The following FMO2 variants were observed in gnomAD, a reference collection of about 807,000 sequenced individuals.
FMO2 encodes the protein flavin containing dimethylaniline monoxygenase 2, also known as flavin-containing monooxygenase 2.
FMO2 carries 33 observed loss-of-function variants against 41.6 expected under a neutral mutation model. The observed-to-expected ratio is 0.79, with a 90% confidence interval of 0.60 to 1.06. FMO2 has a LOEUF of 1.06. FMO2 is among the 50% of genes least tolerant of loss of function. The probability of loss-of-function intolerance (pLI) is 0.00; values close to 1 mark genes in which losing one functional copy is unlikely to be tolerated. For synonymous variants in FMO2, 214 were observed against 219.6 expected, an observed-to-expected ratio of 0.97 and a Z score of 0.23; for missense variants, 619 against 632.9, an observed-to-expected ratio of 0.98 and a Z score of 0.23.
intron 3 of FMO2, among the ~76,000 whole-genome samples, chr1:171,195,043 G>T (rs28369856): frequency 0.01 from 1,593 of 152,146 alleles, 20 homozygotes; most frequent in African/African-American, 0.036. Flanking sequence ...CAAATATCTC[G>T]CCTTTTTATG....
In FMO2 at chr1:171,185,829, G is replaced by A. The variant is rs1657821683; in HGVS notation, c.116G>A (p.Gly39Glu). 1.2e-6 allele frequency: 2 copies of A among 1,613,862 alleles called. No homozygotes were observed. The highest frequency in any genetic ancestry group is 1.7e-6 in the Non-Finnish European group (2 of 1,179,804). ...TTTGAGAGAACTGAAGATATTGGAG[G>A]AGTGTGGAGGTTCAAAGTAAGTGAG... The part of the protein sequence containing the change: ...TCFERTEDIG[G>E]VWRFKENVED... Residue 39 changes from glycine (G) to glutamate (E), a missense_variant, in exon 2 of 9, where the codon GGA becomes GAA. Coordinates refer to ENST00000209929, the MANE Select transcript of FMO2 (RefSeq NM_001460.5).
chr1:171,199,285 T>G, intron 4 of FMO2, 61 bp from the exon 5 acceptor site: 1 of 1,451,332 alleles, frequency 6.9e-7, no homozygotes, highest in Non-Finnish European at 9.2e-7. Context: ...GCAGTTTTAT[T>G]GAAATTAGCT....
intron 7 of FMO2, 50 bp downstream of exon 7, chr1:171,205,684 T>A: frequency 8.0e-7 from 1 of 1,248,490 alleles, no homozygotes; most frequent in Non-Finnish European, 1.1e-6. Context: ...CTGGTGAAGT[T>A]TATCAATAAT....
chr1:171,203,810 T>A, intron 5 of FMO2, 55 bp from the exon 6 acceptor site: 1 of 1,471,960 alleles, frequency 6.8e-7, no homozygotes, highest in Non-Finnish European at 9.5e-7. Flanking sequence ...CATAGTAGAT[T>A]CCTCCTAAAC....
At chr1:171,196,592 T>G (rs1658318694) in intron 3 of FMO2, 57 bp from the exon 4 acceptor site, 2 of 1,531,200 alleles carry the variant, frequency 1.3e-6, no homozygotes, top group Admixed American at 3.4e-5. Context: ...AAAGACACAC[T>G]TGGCCAATGT....
chr1:171,194,946 A>G (rs1263104772), intron 3 of FMO2, among the ~76,000 whole-genome samples: 4 of 152,328 alleles, frequency 2.6e-5, no homozygotes, highest in Non-Finnish European at 1.5e-5. Context: ...TTTTTCACCA[A>G]TTCCTGGTAG....
intron 4 of FMO2, among the ~76,000 whole-genome samples, chr1:171,199,048 A>G (rs1010103470): frequency 1.3e-5 from 2 of 152,028 alleles, no homozygotes; most frequent in East Asian, 3.9e-4. Flanking sequence ...GACCACAGGC[A>G]TGCACAACCA....
At chr1:171,194,248 T>C (rs767628376) in intron 3 of FMO2, among the ~76,000 whole-genome samples, 2 of 152,238 alleles carry the variant, frequency 1.3e-5, no homozygotes, top group Non-Finnish European at 2.9e-5. Flanking sequence ...CTGTTCATAC[T>C]AGAAGGCTGT....
intron 4 of FMO2, among the ~76,000 whole-genome samples, chr1:171,198,927 C>T (rs1658412050): frequency 6.6e-6 from 1 of 150,896 alleles, no homozygotes; most frequent in Admixed American, 6.6e-5. Flanking sequence ...GGTGTTGTGA[C>T]AGTCTCACTC....
chr1:171,208,855 G>T lies in FMO2; in HGVS notation c.1318G>T (p.Ala440Ser). The change falls in exon 9 of 9, where the codon GCC (alanine) becomes TCC (serine). Residue 440 changes from alanine to serine, a missense_variant. Ala to Ser is a moderately conservative substitution (Grantham distance 99). Coordinates refer to ENST00000209929, the MANE Select transcript of FMO2 (RefSeq NM_001460.5). ...TNYVDYLDEL[A>S]LEIGAKPDFC... is the part of the protein sequence containing the mutation. ...TTATGTTGACTACTTGGACGAGCTC[G>T]CCTTAGAGATAGGTGCGAAGCCAGA... is the stretch of plus-strand genomic sequence containing the variant. 1.2e-6 allele frequency: 2 copies of T among 1,613,976 alleles called. No individual in the cohort carries two copies. The highest frequency in any genetic ancestry group is 1.7e-6 in the Non-Finnish European group (2 of 1,179,882).
chr1:171,208,130 G>A (rs1029003570), intron 8 of FMO2, among the ~76,000 whole-genome samples: 1 of 152,122 alleles, frequency 6.6e-6, no homozygotes, highest in Non-Finnish European at 1.5e-5. Context: ...GTTAGAGAGG[G>A]AATAGGATGA....
At position 171,210,396 on chromosome 1, in the gene FMO2, A is replaced by G. The variant is rs1292356020; in HGVS notation, c.*1251A>G. On this transcript the variant is annotated 3_prime_UTR_variant, in exon 9 of 9. Coordinates refer to ENST00000209929, the MANE Select transcript of FMO2 (RefSeq NM_001460.5). ...AACTAAGGCAAAAAGCTAAATAAAC[A>G]ATATGTAACCTCTAACATTTGGTAA... The G allele has an allele frequency of 6.6e-6, 1 of 152,246 alleles. No individual in the cohort carries two copies. Among genetic ancestry groups the G allele is most frequent in the Non-Finnish European group, 1.5e-5 (1 of 68,036 alleles). The allele number at this position is 152,246 out of a possible 1,614,324, so 9.4% of individuals were successfully genotyped here. A position where few individuals can be genotyped will look rare whatever the true frequency, so the allele number is the denominator to read the frequency against.
rs146648799 is a variant in FMO2 at position 171,206,112 on chromosome 1, C to T, written c.1183+478C>T. The stretch of plus-strand genomic sequence containing the variant: ...GTGTAGCACTTCATACTCCTCAGAA[C>T]GGTGTTACCTCCCTGCCTCCAGGGT... On this transcript the variant is annotated intron_variant, in intron 7 of 8. Transcript: ENST00000209929. Among the ~76,000 whole-genome samples, 150 of 152,264 alleles carry T rather than the reference C, an allele frequency of 9.9e-4. No homozygotes were observed. The Middle Eastern group carries it at 0.02, about 21-fold the overall frequency.
intron 8 of FMO2, among the ~76,000 whole-genome samples, 156 bp downstream of exon 8, chr1:171,207,946 G>C (rs777364252): frequency 6.6e-6 from 1 of 152,144 alleles, no homozygotes; most frequent in Non-Finnish European, 1.5e-5. Flanking sequence ...AGGCTAAAAA[G>C]TTGCATTTTT....
At position 171,185,717 on chromosome 1, in the gene FMO2, G is replaced by A; in HGVS notation, c.4G>A (p.Ala2Thr). The change falls in exon 2 of 9, where the codon GCA becomes ACA. Residue 2 changes from alanine to threonine, a missense_variant. Ala to Thr is a moderately conservative substitution (Grantham distance 58, BLOSUM62 0). Coordinates refer to ENST00000209929, the MANE Select transcript of FMO2 (RefSeq NM_001460.5). ...ATCAACTCCTTGACAGGAGCTGATGGCAAAGAAGGTAGCTGTGATTGGAGC... is the reference window on the plus strand; with the variant it reads ...ATCAACTCCTTGACAGGAGCTGATGACAAAGAAGGTAGCTGTGATTGGAGC... Reference protein sequence around the residue: MAKKVAVIGAGV... With the variant: MTKKVAVIGAGV... The A allele has an allele frequency of 1.2e-6, 2 of 1,613,676 alleles. No individual in the cohort carries two copies. The highest frequency in any genetic ancestry group is 1.7e-6 in the Non-Finnish European group (2 of 1,179,680).
rs747443554 is a variant in FMO2, at chr1:171,205,538, A to C, written c.1087A>C (p.Lys363Gln). ...YKYIFPAHLD[K>Q]STLACIGLIQ... ...ATACATATTCCCCGCTCACCTGGAC[A>C]AGTCAACCCTCGCGTGCATTGGTCT... The change falls in exon 7 of 9, where the codon AAG becomes CAG. Residue 363 changes from lysine (K) to glutamine (Q), a missense_variant. Lys to Gln is a moderately conservative substitution (Grantham distance 53, BLOSUM62 1). Transcript: ENST00000209929. 1.9e-6 allele frequency: 3 copies of C among 1,613,922 alleles called. No homozygotes were observed. The Admixed American group carries it at 5.0e-5, about 27-fold the overall frequency.
intron 5 of FMO2, among the ~76,000 whole-genome samples, chr1:171,202,850 A>G (rs912938661): frequency 4.8e-4 from 73 of 152,324 alleles, no homozygotes; most frequent in African/African-American, 1.7e-3. Flanking sequence ...GTAAAAATTT[A>G]AGAAGCAGTT....
intron 2 of FMO2, among the ~76,000 whole-genome samples, chr1:171,192,765 CAA>C (rs71561558): frequency 4.8e-4 from 53 of 111,546 alleles, no homozygotes; most frequent in African/African-American, 1.2e-3. Context: ...GACTCTGTCT[CAA>C]AAAAAAAAAA....
At chr1:171,199,201 C>T (rs1335254030) in intron 4 of FMO2, 145 bp from the exon 5 acceptor site, 3 of 735,776 alleles carry the variant, frequency 4.1e-6, no homozygotes, top group Non-Finnish European at 6.3e-6. Context: ...GGTACCTAAA[C>T]TTTCTTATGT....
Sources: gnomAD v4.1 joint callset for allele counts (sites outside exome capture counted in the v4.1 genomes callset) on GRCh38, gnomAD v4.1.1 for gene constraint, MANE v1.5 for transcripts, NCBI Gene and HGNC (gene_info 2026-07-23, HGNC 2026-07-21) for gene names.